Variants in HRH2 observed in about 807,000 individuals in gnomAD.
The protein encoded by HRH2 is histamine receptor H2.
A neutral mutation model predicts 20.1 loss-of-function variants in HRH2; 4 were observed. That is an observed-to-expected ratio of 0.20 (90% CI 0.10 to 0.45). The LOEUF is 0.45. Ranked by LOEUF, HRH2 falls within the 20% of genes least tolerant of loss-of-function variation. The pLI is 0.99. For missense variants in HRH2, 250 were observed against 461.6 expected (o/e 0.54, Z 4.20); for synonymous variants, 197 against 200.7 (o/e 0.98, Z 0.16).
chr5:175,685,674 AT>A, intron 2 of HRH2: 1 of 627,744 alleles, frequency 1.6e-6, no homozygotes, highest in Non-Finnish European at 2.9e-6. Context: ...CAGTTTCCTC[AT>A]CGCATAGAGA....
At chr5:175,690,748 C>T (rs1325133980) in intron 2 of HRH2, among the ~76,000 whole-genome samples, 1 of 152,066 alleles carries the variant, frequency 6.6e-6, no homozygotes, top group Non-Finnish European at 1.5e-5. Context: ...CTGAGCTGAC[C>T]CCCACACTCC....
chr5:175,683,079 C>A lies in HRH2; in HGVS notation c.-155C>A. The A allele has an allele frequency of 1.1e-6, 1 of 948,204 alleles. No individual in the cohort carries two copies. Among genetic ancestry groups the A allele is most frequent in the Non-Finnish European group, 1.6e-6 (1 of 638,314 alleles). The allele number at this position is 948,204 out of a possible 1,614,324, so 58.7% of individuals were successfully genotyped here. ...CCAGAGTCAGTCATTGAAGCCTTCC[C>A]CACCCCCTGGCCAAAAAAAAAAAAA... On this transcript the variant is annotated 5_prime_UTR_variant, in exon 2 of 3. Coordinates refer to ENST00000636584, the MANE Select transcript of HRH2 (RefSeq NM_001367711.1).
rs1755956904 is a variant in HRH2, at chr5:175,681,257, GCCAGGGAGCGTGGCAGAAGGT to G, written c.-525-1451_-525-1431del. Among the ~76,000 whole-genome samples the G allele has an allele frequency of 6.6e-6, 1 of 152,248 alleles. No individual in the cohort carries two copies. Among genetic ancestry groups the G allele is most frequent in the East Asian group, 1.9e-4 (1 of 5,206 alleles). On this transcript the variant is annotated intron_variant, in intron 1 of 2. Coordinates refer to ENST00000636584, the MANE Select transcript of HRH2 (RefSeq NM_001367711.1). This position sits in a 1 kb window ranked among gnomAD's most constrained non-coding sequence, Gnocchi z 4.3. ...TTCAGCTGCCAGGACTGGTGGCTGAGCCAGGGAGCGTGGCAGAAGGTGATCGGGAACCCTGATCCCTGCACG... is the reference window on the plus strand; with the variant it reads ...TTCAGCTGCCAGGACTGGTGGCTGAGGATCGGGAACCCTGATCCCTGCACG...
At chr5:175,680,232 G>A (rs761803314) in intron 1 of HRH2, among the ~76,000 whole-genome samples, 20 of 152,206 alleles carry the variant, frequency 1.3e-4, no homozygotes, top group African/African-American at 4.3e-4. Context: ...CTGGGCTCCC[G>A]AAAGAATGGC....
Position 175,683,638 on chromosome 5 carries a change from C to T in HRH2, c.405C>T (p.Val135=), listed in dbSNP as rs1209215357. Residue 135 remains valine, a synonymous_variant, in exon 2 of 3, where the codon GTC becomes GTT. Coordinates refer to ENST00000636584, the MANE Select transcript of HRH2 (RefSeq NM_001367711.1). Reference sequence around the variant, plus strand: ...CTGTGCTGGTCACCCCAGTTCGGGTCGCCATCTCTCTGGTCTTAATTTGGG... The same window carrying T: ...CTGTGCTGGTCACCCCAGTTCGGGTTGCCATCTCTCTGGTCTTAATTTGGG... ...RYPVLVTPVR[V]AISLVLIWVI... 5 of 1,614,036 alleles carry T rather than the reference C, an allele frequency of 3.1e-6. No individual in the cohort carries two copies. The highest frequency in any genetic ancestry group is 1.7e-5 in the Admixed American group (1 of 60,004).
intron 1 of HRH2, among the ~76,000 whole-genome samples, chr5:175,663,266 T>C (rs372875215): frequency 6.6e-6 from 1 of 152,178 alleles, no homozygotes; most frequent in Non-Finnish European, 1.5e-5. Flanking sequence ...TCCAAAGAGG[T>C]TGCACTGTCT....
chr5:175,685,909 A>AC (rs1343376887), intron 2 of HRH2: 8 of 179,452 alleles, frequency 4.5e-5, no homozygotes, highest in African/African-American at 1.4e-4. Flanking sequence ...TGAGAACCCT[A>AC]CATATTCCCT....
At chr5:175,702,718 A>ATTTTT (rs778509797) in intron 2 of HRH2, among the ~76,000 whole-genome samples, 4 of 139,782 alleles carry the variant, frequency 2.9e-5, no homozygotes, top group African/African-American at 1.2e-4. Flanking sequence ...CGCCTGGCTA[A>ATTTTT]TTTTTTCTTT....
At chr5:175,659,306 A>G (rs1762664815) in intron 1 of HRH2, among the ~76,000 whole-genome samples, 1 of 152,166 alleles carries the variant, frequency 6.6e-6, no homozygotes, top group South Asian at 2.1e-4. Flanking sequence ...ATAAATTCCT[A>G]CCTACTAATG....
intron 2 of HRH2, among the ~76,000 whole-genome samples, chr5:175,698,899 G>C (rs778747552): frequency 8.2e-4 from 125 of 152,208 alleles, no homozygotes; most frequent in Non-Finnish European, 2.2e-4. Context: ...GAGTCTCCCC[G>C]GCCTGCTCAG....
intron 1 of HRH2, among the ~76,000 whole-genome samples, chr5:175,674,210 C>T (rs965200042): frequency 6.6e-6 from 1 of 152,158 alleles, no homozygotes; most frequent in South Asian, 2.1e-4. Context: ...GGTTTCATGC[C>T]TTCTGCGGCA....
chr5:175,709,427 C>A lies in HRH2; in HGVS notation c.*1456C>A, dbSNP rs1474258183. 1 of 152,218 alleles carries A rather than the reference C, an allele frequency of 6.6e-6. No homozygotes were observed. The highest frequency in any genetic ancestry group is 2.4e-5 in the African/African-American group (1 of 41,448). The allele number at this position is 152,218 out of a possible 1,614,324, so 9.4% of individuals were successfully genotyped here. On this transcript the variant is annotated 3_prime_UTR_variant, in exon 3 of 3. Coordinates refer to ENST00000636584, the MANE Select transcript of HRH2 (RefSeq NM_001367711.1). ...TTATAACTGCAGGCTTGGCTCCTTC[C>A]GGGAGCTTGAGACCCACTGCCGCCT...
At chr5:175,672,405 C>T (rs1261885063) in intron 1 of HRH2, among the ~76,000 whole-genome samples, 2 of 152,168 alleles carry the variant, frequency 1.3e-5, no homozygotes, top group East Asian at 1.9e-4. Context: ...CTGCCACGCT[C>T]GCCAGCCCAC....
chr5:175,683,503 C>G lies in HRH2; in HGVS notation c.270C>G (p.Phe90Leu), dbSNP rs1399164536. 3 of 1,614,222 alleles carry G rather than the reference C, an allele frequency of 1.9e-6. No homozygotes were observed. Among genetic ancestry groups the G allele is most frequent in the South Asian group, 1.1e-5 (1 of 91,086 alleles). ...LSCKWSFGKV[F>L]CNIYTSLDVM... is the part of the protein sequence containing the mutation. Reference sequence around the variant, plus strand: ...GCAAGTGGAGCTTTGGCAAGGTCTTCTGCAATATCTACACCAGCCTGGATG... The same window carrying G: ...GCAAGTGGAGCTTTGGCAAGGTCTTGTGCAATATCTACACCAGCCTGGATG... The change falls in exon 2 of 3, where the codon TTC becomes TTG. Residue 90 changes from phenylalanine to leucine, a missense_variant. Phe to Leu is a conservative substitution (Grantham distance 22). Coordinates refer to ENST00000636584, the MANE Select transcript of HRH2 (RefSeq NM_001367711.1).
Position 175,706,140 on chromosome 5 carries a change from T to C in HRH2, c.1077-1639T>C, listed in dbSNP as rs552936525. On this transcript the variant is annotated intron_variant, in intron 2 of 2. Transcript: ENST00000636584. ...CAGGTAGAACAACACGATAGATTGT[T>C]TAGGGATACAGAAATATTTGCTGAA... Among the ~76,000 whole-genome samples, 268 of 152,334 alleles carry C rather than the reference T, an allele frequency of 1.8e-3. 1 individual carries two copies. The highest frequency in any genetic ancestry group is 5.8e-3 in the African/African-American group (241 of 41,566).
intron 2 of HRH2, among the ~76,000 whole-genome samples, chr5:175,696,708 C>G (rs971948722): frequency 2.0e-5 from 3 of 152,188 alleles, no homozygotes; most frequent in African/African-American, 7.2e-5. Flanking sequence ...TTGCTTCTTC[C>G]GTGGGACCTG....
intron 2 of HRH2, among the ~76,000 whole-genome samples, chr5:175,697,279 C>T (rs190367286): frequency 6.6e-6 from 1 of 151,824 alleles, no homozygotes; most frequent in South Asian, 2.1e-4. Flanking sequence ...CTGGCTAACA[C>T]GGTGAAACCC....
intron 1 of HRH2, among the ~76,000 whole-genome samples, chr5:175,669,794 T>C (rs1755457579): frequency 6.6e-6 from 1 of 152,232 alleles, no homozygotes; most frequent in African/African-American, 2.4e-5. Flanking sequence ...TTTCCCTGAT[T>C]GCTTCAAGAT....
intron 2 of HRH2, among the ~76,000 whole-genome samples, chr5:175,688,015 T>C (rs892210406): frequency 3.9e-5 from 6 of 152,100 alleles, no homozygotes; most frequent in Non-Finnish European, 7.4e-5. Flanking sequence ...CCTTTACCTT[T>C]CCCCACTTGT....
Sources: allele counts gnomAD v4.1 joint callset (sites outside exome capture counted in the v4.1 genomes callset), GRCh38; gene constraint gnomAD v4.1.1; non-coding constraint Gnocchi (gnomAD v3.1); transcripts MANE v1.5; gene names NCBI Gene and HGNC (gene_info 2026-07-23, HGNC 2026-07-21).